The following PHF20 variants were observed in gnomAD, a reference collection of about 807,000 sequenced individuals.
PHF20 encodes the protein PHD finger protein 20.
A neutral mutation model predicts 113.5 loss-of-function variants in PHF20; 23 were observed. The observed-to-expected ratio is 0.20, with a 90% confidence interval of 0.15 to 0.29. The LOEUF is 0.29. Ranked by LOEUF, PHF20 falls within the 10% of genes least tolerant of loss-of-function variation. The pLI is 1.00. For synonymous variants in PHF20, 434 were observed against 457.3 expected (o/e 0.95, Z 0.65); for missense variants, 943 against 1,219.6 (o/e 0.77, Z 3.38).
In PHF20 at chr20:35,804,449, G is replaced by A. The variant is rs192697280; in HGVS notation, c.83+2844G>A. ...GACGGGGTTTCACGGTGTTAGCCAGGATGGTTGCGATCTCCTGACCTCGTG... is the reference window on the plus strand; with the variant it reads ...GACGGGGTTTCACGGTGTTAGCCAGAATGGTTGCGATCTCCTGACCTCGTG... On this transcript the variant is annotated intron_variant, in intron 2 of 17. Transcript: ENST00000374012. Among the ~76,000 whole-genome samples the A allele has an allele frequency of 1.2e-3, 182 of 152,016 alleles. 3 individuals carry two copies.
intron 9 of PHF20, among the ~76,000 whole-genome samples, chr20:35,885,156 G>A (rs559605144): frequency 6.6e-6 from 1 of 152,168 alleles, no homozygotes; most frequent in South Asian, 2.1e-4. Flanking sequence ...TTTTAATGTA[G>A]TTTTTGAATT....
rs564476251 is a variant in PHF20, at chr20:35,926,960, C to A, written c.2005-820C>A. ...GCCCTAGTATCTCCTCGGGAGTTCG[C>A]CTTTCCTTTTCATTCCCTCCTCTGG... On this transcript the variant is annotated intron_variant, in intron 13 of 17. Transcript: ENST00000374012. 2.0e-5 allele frequency among the ~76,000 whole-genome samples: 3 copies of A among 152,274 alleles called. No homozygotes were observed. The South Asian group carries it at 6.2e-4, about 32-fold the overall frequency.
At chr20:35,879,869 A>T (rs1310836558) in intron 9 of PHF20, among the ~76,000 whole-genome samples, 2 of 152,006 alleles carry the variant, frequency 1.3e-5, no homozygotes, top group East Asian at 1.9e-4. Context: ...TGTGCGTGTA[A>T]TCCCAGCTAC....
chr20:35,834,053 G>A (rs527469338), intron 2 of PHF20, among the ~76,000 whole-genome samples: 33 of 149,214 alleles, frequency 2.2e-4, no homozygotes, highest in African/African-American at 8.1e-4. Flanking sequence ...GTGAGATTCC[G>A]TCTCAAAAAT....
intron 15 of PHF20, among the ~76,000 whole-genome samples, chr20:35,937,879 T>C (rs1430015821): frequency 6.6e-6 from 1 of 152,112 alleles, no homozygotes; most frequent in Non-Finnish European, 1.5e-5. Flanking sequence ...TGTTTTGTTT[T>C]GTTTTGTTTT....
intron 4 of PHF20, among the ~76,000 whole-genome samples, chr20:35,852,844 G>A (rs1157868018): frequency 6.7e-6 from 1 of 149,692 alleles, no homozygotes; most frequent in South Asian, 2.2e-4. Flanking sequence ...TGATCCACCC[G>A]CGTCGGTCTC....
chr20:35,790,204 A>G (rs1360803849), intron 1 of PHF20, among the ~76,000 whole-genome samples: 1 of 150,916 alleles, frequency 6.6e-6, no homozygotes, highest in Non-Finnish European at 1.5e-5. Context: ...GCTCTGCTAA[A>G]TAACTTTTTT....
At position 35,913,983 on chromosome 20, in the gene PHF20, C is replaced by T. The variant is rs551694092; in HGVS notation, c.1661-50C>T. The T allele has an allele frequency of 9.0e-6, 14 of 1,557,318 alleles. No homozygotes were observed. The South Asian group carries it at 1.2e-4, about 14-fold the overall frequency. ...GTTGGATGAGATTGATTCTAGAATG[C>T]ACCAGTGTTAACTAGGGTTATTCAT... On this transcript the variant is annotated intron_variant, in intron 11 of 17. Coordinates refer to ENST00000374012, the MANE Select transcript of PHF20 (RefSeq NM_016436.5).
At chr20:35,773,094 C>T (rs1004845319) in intron 1 of PHF20, among the ~76,000 whole-genome samples, 1 of 152,162 alleles carries the variant, frequency 6.6e-6, no homozygotes, top group Non-Finnish European at 1.5e-5. Context: ...ACCTTATTTC[C>T]TGAAGGAGAC....
chr20:35,943,112 C>T (rs962512769), intron 17 of PHF20, among the ~76,000 whole-genome samples: 3 of 152,126 alleles, frequency 2.0e-5, no homozygotes, highest in Admixed American at 6.5e-5. Flanking sequence ...CGTGAGCCAC[C>T]GTACCCAGCC....
intron 1 of PHF20, among the ~76,000 whole-genome samples, chr20:35,780,097 C>T (rs1432083167): frequency 2.6e-5 from 4 of 152,066 alleles, no homozygotes; most frequent in East Asian, 3.9e-4. Flanking sequence ...CTCTTACATC[C>T]CTCTCTCTCT....
At chr20:35,905,958 C>A (rs1460242504) in intron 10 of PHF20, among the ~76,000 whole-genome samples, 1 of 152,204 alleles carries the variant, frequency 6.6e-6, no homozygotes, top group Non-Finnish European at 1.5e-5. Flanking sequence ...TCTCAGTATA[C>A]CAGAGTCACT....
chr20:35,802,637 A>G (rs1433178391), intron 2 of PHF20, among the ~76,000 whole-genome samples: 4 of 152,142 alleles, frequency 2.6e-5, no homozygotes, highest in South Asian at 2.1e-4. Flanking sequence ...TGTCTTTGCT[A>G]TTAGAATTAG....
chr20:35,842,789 A>C, intron 3 of PHF20, 45 bp downstream of exon 3: 1 of 1,547,406 alleles, frequency 6.5e-7, no homozygotes, highest in South Asian at 1.2e-5. Flanking sequence ...AAGGTCAGCC[A>C]TTGGGCTGTT....
intron 4 of PHF20, chr20:35,850,731 A>G: frequency 1.9e-6 from 1 of 515,920 alleles, no homozygotes; most frequent in South Asian, 2.2e-5. Flanking sequence ...GTTCCATTCT[A>G]TTCCAATTTG....
intron 9 of PHF20, among the ~76,000 whole-genome samples, chr20:35,875,415 AATT>A (rs1396413893): frequency 1.3e-5 from 2 of 151,688 alleles, no homozygotes; most frequent in African/African-American, 4.9e-5. Flanking sequence ...AAAAAAAAAA[AATT>A]AAAAGAGTAC....
At chr20:35,806,195 C>G (rs1261689214) in intron 2 of PHF20, among the ~76,000 whole-genome samples, 1 of 111,732 alleles carries the variant, frequency 8.9e-6, no homozygotes, top group Non-Finnish European at 1.8e-5. Flanking sequence ...ATGTCTCACT[C>G]TGTTGCCTAG....
intron 2 of PHF20, among the ~76,000 whole-genome samples, chr20:35,830,628 G>C (rs1169901955): frequency 1.3e-5 from 2 of 152,172 alleles, no homozygotes; most frequent in Admixed American, 1.3e-4. Context: ...TATATACCCA[G>C]AAGTGGAATT....
chr20:35,813,251 CG>C (rs2042009545), intron 2 of PHF20, among the ~76,000 whole-genome samples: 1 of 149,174 alleles, frequency 6.7e-6, no homozygotes, highest in South Asian at 2.4e-4. Context: ...ATTACAGGCG[CG>C]GTGAGCCACC....
Sources: allele counts gnomAD v4.1 joint callset (sites outside exome capture counted in the v4.1 genomes callset), GRCh38; gene constraint gnomAD v4.1.1; transcripts MANE v1.5; gene names NCBI Gene and HGNC (gene_info 2026-07-23, HGNC 2026-07-21).